Variants in WDR36 observed in about 807,000 individuals in gnomAD.
WDR36 encodes WD repeat domain 36.
WDR36 carries 63 observed loss-of-function variants against 112.7 expected under a neutral mutation model. That is an observed-to-expected ratio of 0.56 (90% CI 0.46 to 0.69). The LOEUF (loss-of-function observed/expected upper bound fraction) is 0.69, where lower values mean the gene tolerates loss of function less well. Among genes scored for constraint, WDR36 ranks in the 30% least tolerant of loss-of-function variants. The pLI, the probability that WDR36 is intolerant of heterozygous loss-of-function variation, is 0.00. For synonymous variants in WDR36, 410 were observed against 362.2 expected, an observed-to-expected ratio of 1.13 and a Z score of -1.50; for missense variants, 1,226 against 1,070.3, an observed-to-expected ratio of 1.15 and a Z score of -2.03.
intron 3 of WDR36, 61 bp from the exon 4 acceptor site, chr5:111,098,661 G>C: frequency 9.1e-7 from 1 of 1,097,912 alleles, no homozygotes; most frequent in Non-Finnish European, 1.4e-6. Flanking sequence ...GGGATAATAT[G>C]AATAATATGA....
Position 111,103,803 on chromosome 5 carries a change from T to C in WDR36, c.615T>C (p.Val205=). The change falls in exon 7 of 23, where the codon GTT becomes GTC. Residue 205 remains valine (V), a synonymous_variant. Transcript: ENST00000513710. ...TALQQAPAVD[V]VAIGLMSGQV... ...ATTTTTAGGCACCAGCCGTGGATGT[T>C]GTTGCTATTGGTCTTATGTCAGGTC... The C allele has an allele frequency of 6.2e-7, 1 of 1,611,148 alleles. No individual in the cohort carries two copies. The highest frequency in any genetic ancestry group is 8.5e-7 in the Non-Finnish European group (1 of 1,178,076).
intron 16 of WDR36, among the ~76,000 whole-genome samples, chr5:111,117,393 A>G (rs1580401778): frequency 6.6e-6 from 1 of 152,272 alleles, no homozygotes; most frequent in African/African-American, 2.4e-5. Flanking sequence ...CTCCCACTGG[A>G]CAGTCTTCAT....
chr5:111,098,744 A>C lies in WDR36; in HGVS notation c.314A>C (p.His105Pro). Reference protein sequence around the residue: ...NKEIVHTFKGHKAEIHFLQPF... With the variant: ...NKEIVHTFKGPKAEIHFLQPF... Reference sequence around the variant, plus strand: ...TAGATAGTACATACCTTTAAGGGTCATAAGGCAGAAATCCATTTCTTGCAA... The same window carrying C: ...TAGATAGTACATACCTTTAAGGGTCCTAAGGCAGAAATCCATTTCTTGCAA... Residue 105 changes from histidine (H) to proline (P), a missense_variant, in exon 4 of 23, where the codon CAT (histidine) becomes CCT (proline). By Grantham distance (77) the His-to-Pro change is moderately conservative. Coordinates refer to ENST00000513710, the MANE Select transcript of WDR36 (RefSeq NM_139281.3). 3.1e-6 allele frequency: 5 copies of C among 1,609,850 alleles called. No individual in the cohort carries two copies. Among genetic ancestry groups the C allele is most frequent in the East Asian group, 2.2e-5 (1 of 44,784 alleles).
At chr5:111,092,742 T>C in intron 1 of WDR36, 124 bp downstream of exon 1, 1 of 1,187,398 alleles carries the variant, frequency 8.4e-7, no homozygotes, top group Non-Finnish European at 1.2e-6. Flanking sequence ...CCCCTCCCTG[T>C]CCTATTAATA....
chr5:111,103,126 A>C (rs1753153826), intron 6 of WDR36, among the ~76,000 whole-genome samples: 2 of 151,726 alleles, frequency 1.3e-5, no homozygotes, highest in Admixed American at 1.3e-4. Context: ...ACAGGGTCTC[A>C]TGCATAGTAG....
In WDR36 at chr5:111,111,273, G is replaced by C. The variant is rs565004620; in HGVS notation, c.1711G>C (p.Asp571His). 118 of 1,610,526 alleles carry C rather than the reference G, an allele frequency of 7.3e-5. 1 individual carries two copies. In the South Asian group the frequency reaches 1.2e-3, roughly 16 times the overall value. The change falls in exon 15 of 23, where the codon GAC becomes CAC. Residue 571 changes from aspartate to histidine, a missense_variant. Asp to His is a moderately conservative substitution (Grantham distance 81). Transcript: ENST00000513710. ...EFSGHQGQIN[D>H]MAFSPDGRWL... ...TTCTGGACACCAAGGCCAAATAAAT[G>C]ACATGGTAAAACAAACTCTAACTAA...
intron 5 of WDR36, among the ~76,000 whole-genome samples, chr5:111,102,093 G>A (rs1188554613): frequency 1.3e-5 from 2 of 150,222 alleles, no homozygotes; most frequent in African/African-American, 2.4e-5. Context: ...TTTTACACAC[G>A]TATTTTTTTT....
intron 1 of WDR36, among the ~76,000 whole-genome samples, chr5:111,094,455 G>A (rs1183598370): frequency 1.3e-5 from 2 of 152,064 alleles, no homozygotes; most frequent in South Asian, 2.1e-4. Flanking sequence ...CAGGAGTTAC[G>A]AATGATTTTG....
At position 111,104,693 on chromosome 5, in the gene WDR36, G is replaced by A. The variant is rs1257719744; in HGVS notation, c.907-4G>A. On this transcript the variant is annotated splice_polypyrimidine_tract_variant and splice_region_variant and intron_variant, in intron 8 of 22. Transcript: ENST00000513710. ...GAAGAACTGACGTTTTTATTTCTTG[G>A]CAGATATGGATATTTGATGGTCCTA... 4 of 1,610,844 alleles carry A rather than the reference G, an allele frequency of 2.5e-6. No individual in the cohort carries two copies. The highest frequency in any genetic ancestry group is 3.4e-6 in the Non-Finnish European group (4 of 1,177,632).
intron 16 of WDR36, among the ~76,000 whole-genome samples, chr5:111,118,011 A>G (rs1363701530): frequency 6.6e-6 from 1 of 152,106 alleles, no homozygotes; most frequent in Non-Finnish European, 1.5e-5. Context: ...CCATACTGTC[A>G]CCATTCTCTC....
chr5:111,098,690 A>G (rs1561701495), intron 3 of WDR36, 32 bp from the exon 4 acceptor site: 1 of 1,296,064 alleles, frequency 7.7e-7, no homozygotes, highest in East Asian at 2.3e-5. Flanking sequence ...CTGAGTAATA[A>G]TATGAAATTC....
intron 2 of WDR36, chr5:111,095,273 A>T (rs1303701928): frequency 7.7e-6 from 2 of 258,412 alleles, no homozygotes; most frequent in Non-Finnish European, 1.5e-5. Flanking sequence ...GATTAGATTT[A>T]GGTTGTACCC....
intron 20 of WDR36, 37 bp downstream of exon 20, chr5:111,123,961 G>A: frequency 3.1e-6 from 5 of 1,612,192 alleles, no homozygotes; most frequent in South Asian, 1.1e-5. Flanking sequence ...GTATATCGGT[G>A]TATGTTTGTA....
Position 111,130,189 on chromosome 5 carries a change from C to T in WDR36, c.*3306C>T, listed in dbSNP as rs1753762884. On this transcript the variant is annotated 3_prime_UTR_variant, in exon 23 of 23. Transcript: ENST00000513710. The stretch of plus-strand genomic sequence containing the variant: ...ACCGAGTGCAGTCCTCCCTTGGTAT[C>T]TAGTTCCAGGACCCCTGTGGATACC... The T allele has an allele frequency of 4.8e-6, 1 of 206,874 alleles. No homozygotes were observed. The highest frequency in any genetic ancestry group is 5.9e-5 in the Admixed American group (1 of 16,850). 12.8% of individuals were successfully genotyped at this position (206,874 alleles called of 1,614,324 possible).
In WDR36 at chr5:111,121,056, C is replaced by T; in HGVS notation, c.2063C>T (p.Pro688Leu). The T allele has an allele frequency of 6.2e-7, 1 of 1,613,494 alleles. No individual in the cohort carries two copies. The highest frequency in any genetic ancestry group is 8.5e-7 in the Non-Finnish European group (1 of 1,179,612). ...GATGAATTGATAGAATATGATTCGC[C>T]AGAACAGTTGAATGAGCAATTGGTG... ...PSDELIEYDS[P>L]EQLNEQLVTL... The change falls in exon 19 of 23, where the codon CCA becomes CTA. Residue 688 changes from proline to leucine, a missense_variant. Transcript: ENST00000513710.
chr5:111,094,051 T>C (rs1752926080), intron 1 of WDR36, among the ~76,000 whole-genome samples: 1 of 152,060 alleles, frequency 6.6e-6, no homozygotes, highest in African/African-American at 2.4e-5. Flanking sequence ...AAGGAGCTAA[T>C]GAACCTAAGT....
chr5:111,104,622 A>G lies in WDR36; in HGVS notation c.907-75A>G, dbSNP rs1342678563. ...AGCACTACTCAATACCAGTTGATTTATGTAGGGGGTGATTTGACTGCTTGC... is the reference window on the plus strand; with the variant it reads ...AGCACTACTCAATACCAGTTGATTTGTGTAGGGGGTGATTTGACTGCTTGC... On this transcript the variant is annotated intron_variant, in intron 8 of 22. Coordinates refer to ENST00000513710, the MANE Select transcript of WDR36 (RefSeq NM_139281.3). 1.2e-5 allele frequency: 19 copies of G among 1,605,478 alleles called. No homozygotes were observed. In the East Asian group the frequency reaches 3.8e-4, roughly 32 times the overall value.
At chr5:111,101,365 T>A (rs1452383885) in intron 5 of WDR36, among the ~76,000 whole-genome samples, 2 of 151,932 alleles carry the variant, frequency 1.3e-5, no homozygotes, top group Non-Finnish European at 2.9e-5. Flanking sequence ...ATGAGATTAT[T>A]ACTAGGGAGC....
Position 111,124,174 on chromosome 5 carries a change from C to A in WDR36, c.2335C>A (p.Leu779Met), listed in dbSNP as rs1189208741. The A allele has an allele frequency of 6.2e-7, 1 of 1,611,550 alleles. No individual in the cohort carries two copies. Among genetic ancestry groups the A allele is most frequent in the African/African-American group, 1.3e-5 (1 of 74,816 alleles). Residue 779 changes from leucine to methionine, a missense_variant, in exon 21 of 23, where the codon CTG becomes ATG. Transcript: ENST00000513710. ...TTTCTGCTTGAAACTTGAAGAAGGA[C>A]TGGTAAATAATAAGTGTAAGTTGAA... ...SDFCLKLEEGLVNNKYDTALN... is the reference protein window; with the variant it reads ...SDFCLKLEEGMVNNKYDTALN...
Sources: gnomAD v4.1 joint callset for allele counts (sites outside exome capture counted in the v4.1 genomes callset) on GRCh38, gnomAD v4.1.1 for gene constraint, MANE v1.5 for transcripts, NCBI Gene and HGNC (gene_info 2026-07-23, HGNC 2026-07-21) for gene names.